GBP5: variants seen among roughly 807,000 people sequenced by gnomAD.
GBP5 encodes guanylate-binding protein 5.
GBP5 carries 48 observed loss-of-function variants against 58.2 expected under a neutral mutation model. That is an observed-to-expected ratio of 0.83 (90% confidence interval 0.65 to 1.05). GBP5 has a LOEUF of 1.05. Ranked by LOEUF, GBP5 falls within the 50% of genes least tolerant of loss-of-function variation. The pLI is 0.00. For missense variants in GBP5, 714 were observed against 686.8 expected (o/e 1.04, Z -0.44); for synonymous variants, 248 against 251.8 (o/e 0.98, Z 0.14).
chr1:89,265,092 T>G, intron 7 of GBP5, 126 bp from the exon 8 acceptor site: 1 of 861,324 alleles, frequency 1.2e-6, no homozygotes, highest in South Asian at 1.9e-5. Flanking sequence ...TGGACAGTAG[T>G]CAAGTGGCCC....
chr1:89,267,650 T>G, intron 4 of GBP5, 124 bp from the exon 5 acceptor site: 1 of 648,412 alleles, frequency 1.5e-6, no homozygotes, highest in East Asian at 2.7e-5. Context: ...AATATTAACT[T>G]TGAATAGTTC....
chr1:89,268,633 C>T, intron 4 of GBP5, 96 bp downstream of exon 4: 3 of 1,293,284 alleles, frequency 2.3e-6, no homozygotes, highest in Non-Finnish European at 3.3e-6. Context: ...ATACATTGGT[C>T]AAGTGGAACT....
chr1:89,264,604 T>C (rs184808691), intron 8 of GBP5, 82 bp downstream of exon 8: 18 of 1,242,586 alleles, frequency 1.4e-5, no homozygotes, highest in Non-Finnish European at 1.1e-6. Flanking sequence ...TTTTTTTTCT[T>C]AGCTAAGTCC....
chr1:89,257,897 C>A lies in GBP5; in HGVS notation c.*2807G>T, dbSNP rs1649846897. Among the ~76,000 whole-genome samples, 1 of 152,184 alleles carries A rather than the reference C, an allele frequency of 6.6e-6. No individual in the cohort carries two copies. The highest frequency in any genetic ancestry group is 1.5e-5 in the Non-Finnish European group (1 of 68,026). ...AGCTTAAATCAAGATGTTAACAAGG[C>A]TGCATTCCATCTGCAGGCTCTAGGG... On this transcript the variant is annotated 3_prime_UTR_variant, in exon 12 of 12. Coordinates refer to ENST00000370459, the MANE Select transcript of GBP5 (RefSeq NM_052942.5).
At chr1:89,271,878 G>A (rs1260864418) in intron 1 of GBP5, 1 of 152,204 alleles carries the variant, frequency 6.6e-6, no homozygotes, top group African/African-American at 2.4e-5. Flanking sequence ...TTAGTTAAGT[G>A]AGTAGATGCC....
At chr1:89,261,086 G>T (rs533752975) in intron 11 of GBP5, among the ~76,000 whole-genome samples, 1 of 152,158 alleles carries the variant, frequency 6.6e-6, no homozygotes, top group South Asian at 2.1e-4. Flanking sequence ...CGATCTCCTT[G>T]GGCAATCTTA....
chr1:89,264,594 T>A, intron 8 of GBP5, 92 bp downstream of exon 8: 1 of 1,102,778 alleles, frequency 9.1e-7, no homozygotes, highest in Non-Finnish European at 1.3e-6. Context: ...CAATCTAGTA[T>A]TTTTTTTCTT....
At chr1:89,269,660 A>AGTAGTATGTCCCCAGGTT in intron 2 of GBP5, 86 bp from the exon 3 acceptor site, 1 of 846,762 alleles carries the variant, frequency 1.2e-6, no homozygotes, top group Non-Finnish European at 1.9e-6. Context: ...GAACCTGGGG[A>AGTAGTATGTCCCCAGGTT]CATACTACTC....
At chr1:89,266,691 A>G in intron 6 of GBP5, 103 bp from the exon 7 acceptor site, 3 of 1,125,048 alleles carry the variant, frequency 2.7e-6, no homozygotes, top group Non-Finnish European at 3.8e-6. Flanking sequence ...TTAGATTAAT[A>G]TATCTTCATA....
rs1650510087 is a variant in GBP5, at chr1:89,272,720, G to C, written c.-396C>G. The stretch of plus-strand genomic sequence containing the variant: ...TCCTGGTGGGTTCGTGGTCTCGCTG[G>C]CTTCAGGAGTGAAGCTGCAGACATT... On this transcript the variant is annotated 5_prime_UTR_variant, in exon 1 of 12. Coordinates refer to ENST00000370459, the MANE Select transcript of GBP5 (RefSeq NM_052942.5). 6.5e-6 allele frequency: 1 copy of C among 152,932 alleles called. No individual in the cohort carries two copies. The highest frequency in any genetic ancestry group is 1.9e-4 in the East Asian group (1 of 5,252). 9.5% of individuals were successfully genotyped at this position (152,932 alleles called of 1,614,324 possible). A position where few individuals can be genotyped will look rare whatever the true frequency, so the allele number is the denominator to read the frequency against.
At chr1:89,270,052 G>A (rs1267753681) in intron 2 of GBP5, 2 of 152,026 alleles carry the variant, frequency 1.3e-5, no homozygotes, top group Admixed American at 1.3e-4. Context: ...ATACTACCAA[G>A]TCATTATGCA....
At chr1:89,267,395 A>G in intron 5 of GBP5, 22 bp downstream of exon 5, 2 of 1,537,148 alleles carry the variant, frequency 1.3e-6, no homozygotes, top group Non-Finnish European at 1.8e-6. Context: ...CTTTGGTGCC[A>G]TCCCATACCA....
At position 89,270,808 on chromosome 1, in the gene GBP5, A is replaced by G. The variant is rs1650416317; in HGVS notation, c.-73T>C. The G allele has an allele frequency of 6.6e-6, 1 of 152,216 alleles. No homozygotes were observed. The highest frequency in any genetic ancestry group is 2.4e-5 in the African/African-American group (1 of 41,460). 9.4% of individuals were successfully genotyped at this position (152,216 alleles called of 1,614,324 possible). A position where few individuals can be genotyped will look rare whatever the true frequency, so the allele number is the denominator to read the frequency against. On this transcript the variant is annotated 5_prime_UTR_variant, in exon 2 of 12. Transcript: ENST00000370459. ...ATTTGTATGCAGCGGAGGCCAGAAT[A>G]ATTTTTCCACTAGAAAGATATGGGC... is the stretch of plus-strand genomic sequence containing the variant.
intron 5 of GBP5, 57 bp from the exon 6 acceptor site, chr1:89,267,210 A>G: frequency 7.1e-7 from 1 of 1,412,476 alleles, no homozygotes; most frequent in Non-Finnish European, 9.7e-7. Context: ...ACCCATACTT[A>G]ATTCCATTTT....
intron 4 of GBP5, among the ~76,000 whole-genome samples, chr1:89,268,477 A>G (rs567581656): frequency 6.6e-6 from 1 of 152,300 alleles, no homozygotes; most frequent in African/African-American, 2.4e-5. Context: ...GTGATTTTAT[A>G]TGCATCATGT....
chr1:89,260,461 G>T lies in GBP5; in HGVS notation c.*243C>A. 2.9e-6 allele frequency: 1 copy of T among 350,692 alleles called. No individual in the cohort carries two copies. The highest frequency in any genetic ancestry group is 5.2e-6 in the Non-Finnish European group (1 of 191,178). The allele number at this position is 350,692 out of a possible 1,614,324, so 21.7% of individuals were successfully genotyped here. ...AATATCACGCATAAATGAAGGCAGTGATACAATGTCCCTTATACAATTTAT... is the reference window on the plus strand; with the variant it reads ...AATATCACGCATAAATGAAGGCAGTTATACAATGTCCCTTATACAATTTAT... On this transcript the variant is annotated 3_prime_UTR_variant, in exon 12 of 12. Transcript: ENST00000370459.
At chr1:89,266,237 A>C in intron 7 of GBP5, 109 bp downstream of exon 7, 7 of 858,846 alleles carry the variant, frequency 8.2e-6, no homozygotes, top group Non-Finnish European at 1.1e-5. Flanking sequence ...TTTTCACAGT[A>C]GCAATTGCCT....
Position 89,269,526 on chromosome 1 carries a change from G to T in GBP5, c.30C>A (p.Pro10=), listed in dbSNP as rs780255640. ...CATTAAAGTTCTCGATGAGGCACAT[G>T]GGGTCTGACATGTGGATCTCTAAAG... The part of the protein sequence containing the change: MALEIHMSD[P]MCLIENFNEQ... Residue 10 remains proline, a synonymous_variant, in exon 3 of 12, where the codon CCC becomes CCA. Coordinates refer to ENST00000370459, the MANE Select transcript of GBP5 (RefSeq NM_052942.5). 1 of 1,613,906 alleles carries T rather than the reference G, an allele frequency of 6.2e-7. No homozygotes were observed. Among genetic ancestry groups the T allele is most frequent in the South Asian group, 1.1e-5 (1 of 91,076 alleles).
Position 89,258,962 on chromosome 1 carries a change from CA to C in GBP5, c.*1741del, listed in dbSNP as rs1256675986. 4 of 151,760 alleles carry C rather than the reference CA, an allele frequency of 2.6e-5. No individual in the cohort carries two copies. Among genetic ancestry groups the C allele is most frequent in the Non-Finnish European group, 5.9e-5 (4 of 67,924 alleles). 9.4% of individuals were successfully genotyped at this position (151,760 alleles called of 1,614,324 possible). A position where few individuals can be genotyped will look rare whatever the true frequency, so the allele number is the denominator to read the frequency against. ...ACAAAGGAACTGATTTATGGTTTTC[CA>C]AAAATGTTTTTATGGTTAAAATCTG... On this transcript the variant is annotated 3_prime_UTR_variant, in exon 12 of 12. Coordinates refer to ENST00000370459, the MANE Select transcript of GBP5 (RefSeq NM_052942.5).
Sources: gnomAD v4.1 joint callset for allele counts (sites outside exome capture counted in the v4.1 genomes callset) on GRCh38, gnomAD v4.1.1 for gene constraint, MANE v1.5 for transcripts, NCBI Gene and HGNC (gene_info 2026-07-23, HGNC 2026-07-21) for gene names.